The following ROR2 variants were observed in gnomAD, a reference collection of about 807,000 sequenced individuals.
ROR2 encodes the protein ROR family WNT receptor 2, also known as tyrosine-protein kinase transmembrane receptor ROR2.
Under a neutral mutation model 74.9 loss-of-function variants are expected in ROR2, and 33 were observed. The observed-to-expected ratio is 0.44, with a 90% CI of 0.33 to 0.59. The LOEUF (loss-of-function observed/expected upper bound fraction) is 0.59, where lower values mean the gene tolerates loss of function less well. Ranked by LOEUF, ROR2 falls within the 20% of genes least tolerant of loss-of-function variation. The pLI is 0.02. For synonymous variants in ROR2, 586 were observed against 558.7 expected, an observed-to-expected ratio of 1.05 and a Z score of -0.69; for missense variants, 1,216 against 1,313.8, an observed-to-expected ratio of 0.93 and a Z score of 1.15.
At chr9:91,887,122 A>T (rs575789259) in intron 1 of ROR2, 1 of 152,342 alleles carries the variant, frequency 6.6e-6, no homozygotes, top group Non-Finnish European at 1.5e-5. Context: ...TCCTAGGCAA[A>T]GGGTACATTC....
rs771472565 is a variant in ROR2 at position 91,757,291 on chromosome 9, G to A, written c.444C>T (p.Gly148=). The A allele has an allele frequency of 1.2e-5, 19 of 1,613,904 alleles. No homozygotes were observed. The Admixed American group carries it at 1.5e-4, about 13-fold the overall frequency. Residue 148 remains glycine, a synonymous_variant, in exon 3 of 9, where the codon GGC becomes GGT. Transcript: ENST00000375708. ...TNGMKTITAT[G]VLFVRLGPTH... ...ACTCACCCAGCCGCACAAACAGGAC[G>A]CCAGTGGCGGTAATGGTCTTCATCC...
chr9:91,908,671 G>A (rs925928453), intron 1 of ROR2, among the ~76,000 whole-genome samples: 7 of 151,914 alleles, frequency 4.6e-5, no homozygotes, highest in African/African-American at 1.7e-4. Context: ...TCCCTCTACT[G>A]GTAATTCAAA....
intron 1 of ROR2, among the ~76,000 whole-genome samples, chr9:91,807,634 GATC>G (rs1249328153): frequency 6.6e-6 from 1 of 152,152 alleles, no homozygotes; most frequent in Non-Finnish European, 1.5e-5. Flanking sequence ...AATGAGGGGG[GATC>G]AGACGCTACC....
At chr9:91,808,948 A>C (rs573000761) in intron 1 of ROR2, among the ~76,000 whole-genome samples, 283 of 151,818 alleles carry the variant, frequency 1.9e-3, no homozygotes, top group African/African-American at 6.7e-3. Flanking sequence ...GCTTGCAGTG[A>C]GCTGAGATCG....
chr9:91,837,327 C>T lies in ROR2; in HGVS notation c.98-61509G>A, dbSNP rs543617335. Among the ~76,000 whole-genome samples, 7 of 152,344 alleles carry T rather than the reference C, an allele frequency of 4.6e-5. No individual in the cohort carries two copies. In the South Asian group the frequency reaches 1.4e-3, roughly 32 times the overall value. The stretch of plus-strand genomic sequence containing the variant: ...GACCTCATGATCGGCCCGCCTCAGC[C>T]TCCCAAAGTGCTGGGATTACAGGCG... On this transcript the variant is annotated intron_variant, in intron 1 of 8. Transcript: ENST00000375708.
At chr9:91,948,628 G>A (rs1587869633) in intron 1 of ROR2, 1 of 985,504 alleles carries the variant, frequency 1.0e-6, no homozygotes, top group Non-Finnish European at 1.2e-6. Flanking sequence ...TAGGGCGGCA[G>A]GCCAGGATAC....
At chr9:91,757,839 G>A (rs1000176265) in intron 2 of ROR2, among the ~76,000 whole-genome samples, 19 of 152,132 alleles carry the variant, frequency 1.2e-4, no homozygotes, top group African/African-American at 4.3e-4. Flanking sequence ...CTTGGTTTAT[G>A]TGTGTTTCTG....
chr9:91,746,107 C>A (rs1398296710), intron 4 of ROR2, among the ~76,000 whole-genome samples: 1 of 151,912 alleles, frequency 6.6e-6, no homozygotes, highest in African/African-American at 2.4e-5. Context: ...CATGGAGTCT[C>A]GCTCTGTTGG....
At chr9:91,772,577 T>C (rs2118919164) in intron 2 of ROR2, among the ~76,000 whole-genome samples, 1 of 152,348 alleles carries the variant, frequency 6.6e-6, no homozygotes, top group South Asian at 2.1e-4. Context: ...CTGTGGTTCT[T>C]TGCTTTCTTT....
At chr9:91,910,797 G>T (rs1830958662) in intron 1 of ROR2, among the ~76,000 whole-genome samples, 1 of 152,020 alleles carries the variant, frequency 6.6e-6, no homozygotes, top group Admixed American at 6.5e-5. Context: ...CTAAGTAGCT[G>T]AGATTAGAGG....
chr9:91,892,286 C>G (rs1830439994), intron 1 of ROR2, among the ~76,000 whole-genome samples: 1 of 152,202 alleles, frequency 6.6e-6, no homozygotes, highest in African/African-American at 2.4e-5. Context: ...AGTGCACCGG[C>G]AGGTGGGAAA....
intron 1 of ROR2, among the ~76,000 whole-genome samples, chr9:91,839,251 G>GGTGTGTGTGTGTGTGTGT (rs56134220): frequency 1.9e-5 from 2 of 107,802 alleles, no homozygotes; most frequent in East Asian, 3.2e-4. Context: ...TCAGATCGGG[G>GGTGTGTGTGTGTGTGTGT]GTGTGTGTGT....
intron 1 of ROR2, among the ~76,000 whole-genome samples, chr9:91,791,367 CCTT>C (rs1475449408): frequency 6.6e-6 from 1 of 152,196 alleles, no homozygotes; most frequent in Non-Finnish European, 1.5e-5. Context: ...GTAGGCTAAA[CCTT>C]CTAGGTTTGT....
chr9:91,796,434 A>AG (rs1355251503), intron 1 of ROR2, among the ~76,000 whole-genome samples: 255 of 137,152 alleles, frequency 1.9e-3, no homozygotes, highest in African/African-American at 7.9e-3. Context: ...CCTTGTCCCA[A>AG]GGAAAAAAAA....
chr9:91,840,138 C>A (rs1192569209), intron 1 of ROR2, among the ~76,000 whole-genome samples: 1 of 152,128 alleles, frequency 6.6e-6, no homozygotes, highest in Non-Finnish European at 1.5e-5. Context: ...ACTCCCGAGG[C>A]CCCGCTGTCC....
At chr9:91,838,779 C>T (rs1343603426) in intron 1 of ROR2, among the ~76,000 whole-genome samples, 4 of 152,164 alleles carry the variant, frequency 2.6e-5, no homozygotes, top group African/African-American at 7.2e-5. Flanking sequence ...AAGCATTAAC[C>T]ATGACAGATG....
intron 1 of ROR2, among the ~76,000 whole-genome samples, chr9:91,920,723 C>CAA (rs1412714600): frequency 6.6e-6 from 1 of 152,104 alleles, no homozygotes; most frequent in African/African-American, 2.4e-5. Context: ...CAGATAAAAA[C>CAA]AAATACACAT....
At chr9:91,839,720 A>G (rs1828727747) in intron 1 of ROR2, among the ~76,000 whole-genome samples, 1 of 149,474 alleles carries the variant, frequency 6.7e-6, no homozygotes, top group Non-Finnish European at 1.5e-5. Context: ...TGTGTGCTGT[A>G]TGTGTGGTGT....
intron 1 of ROR2, among the ~76,000 whole-genome samples, chr9:91,854,365 ACT>A (rs1564001088): frequency 6.6e-6 from 1 of 151,990 alleles, no homozygotes. Flanking sequence ...CAATGGCAAC[ACT>A]CTCCACTACA....
Sources: gnomAD v4.1 joint callset for allele counts (sites outside exome capture counted in the v4.1 genomes callset) on GRCh38, gnomAD v4.1.1 for gene constraint, MANE v1.5 for transcripts, NCBI Gene and HGNC (gene_info 2026-07-23, HGNC 2026-07-21) for gene names.